The following ST18 variants were observed in gnomAD, a reference collection of about 807,000 sequenced individuals.
The protein encoded by ST18 is suppression of tumorigenicity 18 protein.
In ST18, 50 loss-of-function variants were observed where a neutral mutation model predicts 110.0. That is an observed-to-expected ratio of 0.45 (90% CI 0.36 to 0.58). The LOEUF is 0.58. Ranked by LOEUF, ST18 falls within the 20% of genes least tolerant of loss-of-function variation. The pLI, the probability that ST18 is intolerant of heterozygous loss-of-function variation, is 0.00. For missense variants in ST18, 1,306 were observed against 1,280.1 expected (o/e 1.02, Z -0.31); for synonymous variants, 461 against 452.4 (o/e 1.02, Z -0.24).
intron 22 of ST18, 131 bp from the exon 23 acceptor site, chr8:52,126,271 G>T: frequency 2.3e-6 from 2 of 862,912 alleles, no homozygotes; most frequent in Non-Finnish European, 1.8e-6. Context: ...CAGTCTCTTT[G>T]TAGAGAGTAA....
At chr8:52,342,987 G>T (rs1265533790) in intron 2 of ST18, among the ~76,000 whole-genome samples, 2 of 152,306 alleles carry the variant, frequency 1.3e-5, no homozygotes, top group East Asian at 3.9e-4. Context: ...GATGAGGGAG[G>T]TATCAATCTG....
intron 2 of ST18, chr8:52,405,249 G>C (rs1199138761): frequency 6.6e-6 from 1 of 152,102 alleles, no homozygotes; most frequent in African/African-American, 2.4e-5. Context: ...GGTGATTTAG[G>C]TATCAAAACT....
chr8:52,165,256 ATACTT>A lies in ST18; in HGVS notation c.1205-36_1205-32del, dbSNP rs2062586026. On this transcript the variant is annotated intron_variant, in intron 11 of 25. Transcript: ENST00000689386. The stretch of plus-strand genomic sequence containing the variant: ...CACAAAACAACACATAAAGGAAAGA[ATACTT>A]TACCATAAATACAAAGCACACTAAC... 1.9e-6 allele frequency: 3 copies of A among 1,605,324 alleles called. No homozygotes were observed. The African/African-American group carries it at 4.0e-5, about 21-fold the overall frequency.
intron 2 of ST18, among the ~76,000 whole-genome samples, chr8:52,257,063 G>T (rs983194679): frequency 7.9e-5 from 12 of 152,010 alleles, no homozygotes; most frequent in African/African-American, 2.9e-4. Context: ...ATAATATGTT[G>T]TCCTTTATTA....
chr8:52,320,350 G>C (rs757978450), intron 2 of ST18, among the ~76,000 whole-genome samples: 1 of 152,116 alleles, frequency 6.6e-6, no homozygotes, highest in African/African-American at 2.4e-5. Context: ...ACATGGAAAG[G>C]AGGCTGTGTA....
At chr8:52,293,852 C>A (rs2095593021) in intron 2 of ST18, among the ~76,000 whole-genome samples, 1 of 152,124 alleles carries the variant, frequency 6.6e-6, no homozygotes, top group Non-Finnish European at 1.5e-5. Context: ...CTGAGTGGAG[C>A]TCCAAGATTA....
intron 9 of ST18, among the ~76,000 whole-genome samples, chr8:52,175,523 G>A (rs7833776): frequency 0.18 from 28,008 of 152,070 alleles, 6,124 homozygotes; most frequent in African/African-American, 0.53. Context: ...ACTACCTGCT[G>A]TGTGACCTTG....
chr8:52,290,670 C>T (rs1304947620), intron 2 of ST18, among the ~76,000 whole-genome samples: 1 of 152,110 alleles, frequency 6.6e-6, no homozygotes, highest in Non-Finnish European at 1.5e-5. Context: ...CTTCTGAGCC[C>T]TGCGCATCCA....
chr8:52,137,340 C>A, intron 18 of ST18, 81 bp downstream of exon 18: 2 of 1,449,322 alleles, frequency 1.4e-6, no homozygotes, highest in Middle Eastern at 1.8e-4. Context: ...TCAGATAATA[C>A]ATGGATAGAA....
At chr8:52,328,030 A>G (rs987136965) in intron 2 of ST18, among the ~76,000 whole-genome samples, 1 of 152,232 alleles carries the variant, frequency 6.6e-6, no homozygotes, top group Non-Finnish European at 1.5e-5. Flanking sequence ...TCTTTCAGGA[A>G]CATGAGAATA....
At chr8:52,360,516 T>C (rs1825258246) in intron 2 of ST18, among the ~76,000 whole-genome samples, 1 of 151,984 alleles carries the variant, frequency 6.6e-6, no homozygotes, top group Non-Finnish European at 1.5e-5. Context: ...AAAAAAAAAT[T>C]ATTATACCTA....
Position 52,349,249 on chromosome 8 carries a change from C to T in ST18, c.-465+60079G>A, listed in dbSNP as rs1280639405. On this transcript the variant is annotated intron_variant, in intron 2 of 25. Coordinates refer to ENST00000689386, the MANE Select transcript of ST18 (RefSeq NM_001352837.2). ...CACTGGTGGAGACGTGGTAGACAGC[C>T]TGTGTCCTGAAGGCTTTGTGGGGTA... 2.0e-5 allele frequency among the ~76,000 whole-genome samples: 3 copies of T among 152,172 alleles called. No individual in the cohort carries two copies. The East Asian group carries it at 5.8e-4, about 29-fold the overall frequency.
At chr8:52,291,725 T>C (rs1812217473) in intron 2 of ST18, among the ~76,000 whole-genome samples, 1 of 152,186 alleles carries the variant, frequency 6.6e-6, no homozygotes, top group South Asian at 2.1e-4. Context: ...AATATTCATA[T>C]AATGGATGGA....
chr8:52,210,262 A>G (rs2081696765), intron 8 of ST18: 1 of 397,412 alleles, frequency 2.5e-6, no homozygotes, highest in East Asian at 7.2e-5. Flanking sequence ...ATAAGAGCAA[A>G]TTTTAAAGGC....
chr8:52,171,334 G>A (rs533553011), intron 10 of ST18, among the ~76,000 whole-genome samples: 21 of 152,298 alleles, frequency 1.4e-4, no homozygotes, highest in Non-Finnish European at 4.4e-5. Flanking sequence ...CAGTGAAAGC[G>A]TAGGCTCATA....
At chr8:52,163,890 T>A in intron 13 of ST18, 96 bp downstream of exon 13, 1 of 907,248 alleles carries the variant, frequency 1.1e-6, no homozygotes, top group South Asian at 1.7e-5. Context: ...AGAGGGGAGG[T>A]CAAGCCACAG....
At chr8:52,335,904 G>A (rs1811825191) in intron 2 of ST18, among the ~76,000 whole-genome samples, 1 of 152,042 alleles carries the variant, frequency 6.6e-6, no homozygotes, top group Admixed American at 6.6e-5. Flanking sequence ...GCCTCCCGGT[G>A]CTGTTAGAAT....
intron 8 of ST18, among the ~76,000 whole-genome samples, chr8:52,193,725 G>A (rs1182584273): frequency 2.6e-5 from 4 of 152,116 alleles, no homozygotes; most frequent in Middle Eastern, 3.2e-3. Flanking sequence ...GAGAGTTAAC[G>A]GGCCACTGTA....
chr8:52,267,555 G>T (rs1404110889), intron 2 of ST18, among the ~76,000 whole-genome samples: 2 of 150,394 alleles, frequency 1.3e-5, no homozygotes, highest in South Asian at 2.1e-4. Context: ...CAGTGTCCTC[G>T]GAAGACAGTG....
Sources: gnomAD v4.1 joint callset for allele counts (sites outside exome capture counted in the v4.1 genomes callset) on GRCh38, gnomAD v4.1.1 for gene constraint, MANE v1.5 for transcripts, NCBI Gene and HGNC (gene_info 2026-07-23, HGNC 2026-07-21) for gene names.